SEMA3A: variants seen among roughly 807,000 people sequenced by gnomAD.
SEMA3A encodes semaphorin-3A.
In SEMA3A, 29 loss-of-function variants were observed where a neutral mutation model predicts 97.9. The ratio of observed to expected loss-of-function variants is 0.30; its 90% CI spans 0.22 to 0.40. SEMA3A has a LOEUF of 0.40. SEMA3A is among the 10% of genes least tolerant of loss of function. The probability of loss-of-function intolerance (pLI) is 1.00; values close to 1 mark genes in which losing one functional copy is unlikely to be tolerated. For synonymous variants in SEMA3A, 321 were observed against 323.7 expected (o/e 0.99, Z 0.09); for missense variants, 763 against 951.3 (o/e 0.80, Z 2.60).
At chr7:84,429,605 T>A (rs999826258) in intron 1 of SEMA3A, among the ~76,000 whole-genome samples, 23 of 142,928 alleles carry the variant, frequency 1.6e-4, no homozygotes, top group African/African-American at 6.0e-4. Context: ...TCTGATTACA[T>A]GTTATCATTC....
At chr7:84,184,270 A>G (rs1797812214) in intron 1 of SEMA3A, among the ~76,000 whole-genome samples, 1 of 152,154 alleles carries the variant, frequency 6.6e-6, no homozygotes, top group African/African-American at 2.4e-5. Flanking sequence ...AATGACAGAA[A>G]AGATGTCTGT....
chr7:84,483,075 G>A (rs956283120), intron 1 of SEMA3A, among the ~76,000 whole-genome samples: 1 of 152,064 alleles, frequency 6.6e-6, no homozygotes, highest in Non-Finnish European at 1.5e-5. Flanking sequence ...AGCTCTATGT[G>A]CAATAACTAT....
At chr7:84,100,858 T>C (rs1343165644) in intron 4 of SEMA3A, among the ~76,000 whole-genome samples, 2 of 152,212 alleles carry the variant, frequency 1.3e-5, no homozygotes, top group Admixed American at 6.5e-5. Context: ...CATTATTTTC[T>C]AGTACTCTCT....
chr7:84,235,114 T>A (rs556751054), intron 3 of SEMA3A, among the ~76,000 whole-genome samples: 4 of 152,084 alleles, frequency 2.6e-5, no homozygotes, highest in Admixed American at 6.6e-5. Flanking sequence ...GGAAGGCCAT[T>A]ATTAGCAAAT....
chr7:84,039,143 T>A, intron 6 of SEMA3A, among the ~76,000 whole-genome samples: 1 of 152,128 alleles, frequency 6.6e-6, no homozygotes, highest in East Asian at 1.9e-4. Flanking sequence ...ACAGTTAACA[T>A]GAGCATTTAC....
At chr7:84,182,082 C>T (rs143551255) in intron 1 of SEMA3A, among the ~76,000 whole-genome samples, 68 of 152,230 alleles carry the variant, frequency 4.5e-4, no homozygotes, top group African/African-American at 1.6e-3. Context: ...TTGCTCTCAA[C>T]ATGTTCTTCA....
intron 1 of SEMA3A, among the ~76,000 whole-genome samples, chr7:84,376,340 C>G (rs1321398491): frequency 8.7e-6 from 1 of 115,492 alleles, no homozygotes; most frequent in Non-Finnish European, 1.9e-5. Context: ...CGGTGGCTCA[C>G]GCCTGTAATC....
At chr7:84,423,514 G>C (rs2116286393) in intron 1 of SEMA3A, among the ~76,000 whole-genome samples, 1 of 152,082 alleles carries the variant, frequency 6.6e-6, no homozygotes, top group South Asian at 2.1e-4. Flanking sequence ...CAAATGAATT[G>C]CATTCCTTCC....
In SEMA3A at chr7:84,476,148, A is replaced by C. The variant is rs112865365; in HGVS notation, c.-246+16312T>G. On this transcript the variant is annotated intron_variant, in intron 1 of 3. Transcript: ENST00000424555. ...AAGGCAGGTGGATCATGAGGTCAGG[A>C]GTTCGAGAGCAGCCTGACCAATGTG... Among the ~76,000 whole-genome samples, 820 of 152,146 alleles carry C rather than the reference A, an allele frequency of 5.4e-3. 13 individuals carry two copies. Among genetic ancestry groups the C allele is most frequent in the African/African-American group, 0.019 (770 of 41,508 alleles).
chr7:84,159,644 C>T (rs920766554), intron 1 of SEMA3A, among the ~76,000 whole-genome samples: 1 of 152,096 alleles, frequency 6.6e-6, no homozygotes, highest in Non-Finnish European at 1.5e-5. Context: ...AGCTTTCCAA[C>T]ATTAAGGCAA....
At chr7:84,066,345 C>T (rs1474697182) in intron 4 of SEMA3A, among the ~76,000 whole-genome samples, 4 of 151,618 alleles carry the variant, frequency 2.6e-5, no homozygotes, top group African/African-American at 7.3e-5. Context: ...GAAGCATTCC[C>T]TTTGAAGACT....
chr7:84,236,593 A>G (rs1799240450), intron 3 of SEMA3A, among the ~76,000 whole-genome samples: 1 of 152,036 alleles, frequency 6.6e-6, no homozygotes, highest in Non-Finnish European at 1.5e-5. Context: ...TCTCGCAAAT[A>G]CTCTATTAGT....
intron 6 of SEMA3A, among the ~76,000 whole-genome samples, chr7:84,045,902 A>G (rs913370986): frequency 6.6e-6 from 1 of 152,014 alleles, no homozygotes; most frequent in African/African-American, 2.4e-5. Context: ...ACACTGCAAT[A>G]ACATTCAATT....
chr7:84,226,356 T>C (rs897404847), intron 3 of SEMA3A, among the ~76,000 whole-genome samples: 5 of 151,974 alleles, frequency 3.3e-5, no homozygotes, highest in African/African-American at 1.2e-4. Flanking sequence ...CATAAAGCTT[T>C]ACAAAAACTA....
chr7:84,112,464 G>A (rs3801644), intron 3 of SEMA3A, among the ~76,000 whole-genome samples: 74,229 of 151,940 alleles, frequency 0.49, 19,320 homozygotes, highest in East Asian at 0.71. Flanking sequence ...TTTCAGTCCT[G>A]TCAGTATCAC....
intron 1 of SEMA3A, among the ~76,000 whole-genome samples, chr7:84,378,935 TG>T (rs1259369730): frequency 5.9e-5 from 9 of 151,992 alleles, no homozygotes; most frequent in Non-Finnish European, 8.8e-5. Context: ...TGTTTTGTTT[TG>T]TTTTTTTTGA....
chr7:84,073,888 A>C (rs1583919925), intron 4 of SEMA3A, among the ~76,000 whole-genome samples: 1 of 152,064 alleles, frequency 6.6e-6, no homozygotes, highest in East Asian at 1.9e-4. Flanking sequence ...AAAGCTAAAA[A>C]AATGAAGCAA....
chr7:83,989,323 T>C (rs1274840939), intron 12 of SEMA3A, among the ~76,000 whole-genome samples: 3 of 152,136 alleles, frequency 2.0e-5, no homozygotes, highest in South Asian at 2.1e-4. Context: ...ATAAAAATTA[T>C]TATTTTTTGT....
chr7:84,473,966 T>C (rs554794354), intron 1 of SEMA3A, among the ~76,000 whole-genome samples: 17 of 152,332 alleles, frequency 1.1e-4, no homozygotes, highest in African/African-American at 3.8e-4. Context: ...CAGGATCTTG[T>C]TGAAGATCTG....
Sources: gnomAD v4.1 joint callset for allele counts (sites outside exome capture counted in the v4.1 genomes callset) on GRCh38, gnomAD v4.1.1 for gene constraint, MANE v1.5 for transcripts, NCBI Gene and HGNC (gene_info 2026-07-23, HGNC 2026-07-21) for gene names.